CTNNA1: variants seen among roughly 807,000 people sequenced by gnomAD.
The protein encoded by CTNNA1 is catenin alpha-1.
In CTNNA1, 37 loss-of-function variants were observed where a neutral mutation model predicts 98.4. That is an observed-to-expected ratio of 0.38 (90% CI 0.29 to 0.49). The LOEUF (loss-of-function observed/expected upper bound fraction) is 0.49, where lower values mean the gene tolerates loss of function less well. CTNNA1 is among the 20% of genes least tolerant of loss of function. The pLI is 0.95. For synonymous variants in CTNNA1, 404 were observed against 413.2 expected (o/e 0.98, Z 0.27); for missense variants, 761 against 1,147.2 (o/e 0.66, Z 4.86).
At chr5:138,929,882 G>C (rs186060787) in intron 14 of CTNNA1, among the ~76,000 whole-genome samples, 38 of 152,276 alleles carry the variant, frequency 2.5e-4, no homozygotes, top group South Asian at 1.0e-3. Flanking sequence ...AATCTGTCGT[G>C]AACAGCGAGC....
intron 7 of CTNNA1, among the ~76,000 whole-genome samples, chr5:138,882,189 G>A (rs1028448993): frequency 6.6e-6 from 1 of 152,198 alleles, no homozygotes; most frequent in Non-Finnish European, 1.5e-5. Context: ...CATTCTGTGG[G>A]GACACTGAAC....
intron 9 of CTNNA1, among the ~76,000 whole-genome samples, chr5:138,888,406 A>G (rs1754562110): frequency 6.6e-6 from 1 of 152,258 alleles, no homozygotes; most frequent in African/African-American, 2.4e-5. Context: ...ATCTTAATGC[A>G]GAACATCTAA....
chr5:138,884,723 T>G (rs1216961686), intron 7 of CTNNA1, among the ~76,000 whole-genome samples: 1 of 152,138 alleles, frequency 6.6e-6, no homozygotes, highest in Non-Finnish European at 1.5e-5. Context: ...ATGAGGCACA[T>G]CCAACTCCCT....
chr5:138,885,013 A>G (rs1753726651), intron 7 of CTNNA1, among the ~76,000 whole-genome samples: 1 of 152,150 alleles, frequency 6.6e-6, no homozygotes. Flanking sequence ...TATCAATTTT[A>G]CTTATATTTC....
intron 1 of CTNNA1, among the ~76,000 whole-genome samples, chr5:138,777,664 C>T (rs549251243): frequency 1.8e-4 from 28 of 151,956 alleles, no homozygotes; most frequent in African/African-American, 5.8e-4. Context: ...GAGACCAGCC[C>T]GGCTAACACA....
chr5:138,862,186 C>A (rs775156829), intron 7 of CTNNA1, among the ~76,000 whole-genome samples: 2 of 152,086 alleles, frequency 1.3e-5, no homozygotes, highest in Admixed American at 6.6e-5. Context: ...ACGAAACATA[C>A]CCTCCTGCGT....
chr5:138,902,565 G>A lies in CTNNA1; in HGVS notation c.1297-1784G>A, dbSNP rs190387348. Among the ~76,000 whole-genome samples, 293 of 152,234 alleles carry A rather than the reference G, an allele frequency of 1.9e-3. 4 individuals are homozygous for A. The East Asian group carries it at 0.037, about 19-fold the overall frequency. On this transcript the variant is annotated intron_variant, in intron 9 of 17. Coordinates refer to ENST00000302763, the MANE Select transcript of CTNNA1 (RefSeq NM_001903.5). ...CTCCCGAGTAGCTGGGACTACAGGC[G>A]CCTGCCACCACGCCCGGCTAATTTT...
At chr5:138,920,321 C>G (rs1223376783) in intron 11 of CTNNA1, among the ~76,000 whole-genome samples, 1 of 152,186 alleles carries the variant, frequency 6.6e-6, no homozygotes, top group East Asian at 1.9e-4. Context: ...GAGATATTTC[C>G]CCATCGCTCC....
chr5:138,851,821 C>T (rs571240997), intron 7 of CTNNA1, among the ~76,000 whole-genome samples: 7 of 151,740 alleles, frequency 4.6e-5, no homozygotes, highest in East Asian at 1.9e-4. Context: ...TATGGGAGGC[C>T]GAGGCAGGCG....
At chr5:138,837,406 G>A (rs1183092397) in intron 7 of CTNNA1, among the ~76,000 whole-genome samples, 2 of 151,678 alleles carry the variant, frequency 1.3e-5, no homozygotes, top group African/African-American at 4.8e-5. Flanking sequence ...TCATTTAGTT[G>A]TTTCTTCCTT....
chr5:138,934,970 A>C lies in CTNNA1; in HGVS notation c.*881A>C, dbSNP rs533194739. 1.3e-5 allele frequency: 2 copies of C among 152,286 alleles called. No individual in the cohort carries two copies. The highest frequency in any genetic ancestry group is 2.9e-5 in the Non-Finnish European group (2 of 68,030). 9.4% of individuals were successfully genotyped at this position (152,286 alleles called of 1,614,324 possible). A position where few individuals can be genotyped will look rare whatever the true frequency, so the allele number is the denominator to read the frequency against. On this transcript the variant is annotated 3_prime_UTR_variant, in exon 18 of 18. Transcript: ENST00000302763. ...CTATCACCTTATTTAAATTTTATGA[A>C]TTAATTTGAATGTTTTTTACACTAA...
chr5:138,923,720 T>C (rs1399398213), intron 11 of CTNNA1, among the ~76,000 whole-genome samples: 4 of 152,228 alleles, frequency 2.6e-5, no homozygotes, highest in Admixed American at 6.5e-5. Flanking sequence ...CTTGGAGATT[T>C]TGGTTGCTTT....
chr5:138,920,518 C>T (rs994284766), intron 11 of CTNNA1, among the ~76,000 whole-genome samples: 4 of 152,180 alleles, frequency 2.6e-5, no homozygotes, highest in Non-Finnish European at 5.9e-5. Context: ...CTGGCAAGTG[C>T]CCAGCACAGG....
chr5:138,809,010 G>A (rs547465049), intron 3 of CTNNA1, among the ~76,000 whole-genome samples: 1 of 152,154 alleles, frequency 6.6e-6, no homozygotes, highest in South Asian at 2.1e-4. Flanking sequence ...AAAGAGACAG[G>A]GTCTTGTTCT....
intron 7 of CTNNA1, among the ~76,000 whole-genome samples, chr5:138,852,451 T>C (rs1283935235): frequency 7.7e-6 from 1 of 129,878 alleles, no homozygotes; most frequent in Non-Finnish European, 1.6e-5. Flanking sequence ...ACATTTCTGC[T>C]TCTTTGGGGG....
chr5:138,898,532 T>C (rs146203345), intron 9 of CTNNA1, among the ~76,000 whole-genome samples: 2 of 151,788 alleles, frequency 1.3e-5, no homozygotes, highest in African/African-American at 4.8e-5. Context: ...TGGAAATGAT[T>C]ACAAGATCAT....
At chr5:138,833,957 A>G (rs1761532669) in intron 7 of CTNNA1, among the ~76,000 whole-genome samples, 1 of 152,254 alleles carries the variant, frequency 6.6e-6, no homozygotes. Flanking sequence ...TATTTGAGGA[A>G]TATGACTATG....
chr5:138,886,420 C>G, intron 8 of CTNNA1, 128 bp downstream of exon 8: 2 of 1,005,120 alleles, frequency 2.0e-6, no homozygotes, highest in Non-Finnish European at 2.9e-6. Flanking sequence ...AAGAAAGTGC[C>G]TATCTTTGTT....
intron 7 of CTNNA1, among the ~76,000 whole-genome samples, chr5:138,883,114 G>A (rs977410165): frequency 2.0e-5 from 3 of 152,118 alleles, no homozygotes; most frequent in Non-Finnish European, 2.9e-5. Context: ...CTGTCCACCC[G>A]CCTCAGCCTC....
Sources: allele counts gnomAD v4.1 joint callset (sites outside exome capture counted in the v4.1 genomes callset), GRCh38; gene constraint gnomAD v4.1.1; transcripts MANE v1.5; gene names NCBI Gene and HGNC (gene_info 2026-07-23, HGNC 2026-07-21).